Variants in MRC2 observed in about 807,000 individuals in gnomAD.
MRC2 encodes the protein mannose receptor C-type 2.
A neutral mutation model predicts 206.2 loss-of-function variants in MRC2; 84 were observed. The ratio of observed to expected loss-of-function variants is 0.41; its 90% CI spans 0.34 to 0.49. MRC2 has a LOEUF of 0.49. MRC2 is among the 20% of genes least tolerant of loss of function. The probability of loss-of-function intolerance (pLI) is 0.31; values close to 1 mark genes in which losing one functional copy is unlikely to be tolerated. For missense variants in MRC2, 1,676 were observed against 2,001.5 expected, an observed-to-expected ratio of 0.84 and a Z score of 3.10; for synonymous variants, 798 against 800.0, an observed-to-expected ratio of 1.00 and a Z score of 0.04.
chr17:62,688,413 G>A lies in MRC2; in HGVS notation c.3061+10G>A, dbSNP rs1459716424. ...AACCCCTTAGAGCAAGGTAGGGCCA[G>A]CCTATGGGGAGCCCCCAGTATCCTC... is the stretch of plus-strand genomic sequence containing the variant. On this transcript the variant is annotated intron_variant, in intron 21 of 29. Coordinates refer to ENST00000303375, the MANE Select transcript of MRC2 (RefSeq NM_006039.5). 1.2e-6 allele frequency: 2 copies of A among 1,614,036 alleles called. No homozygotes were observed. Among genetic ancestry groups the A allele is most frequent in the African/African-American group, 1.3e-5 (1 of 74,942 alleles).
rs2088920389 is a variant in MRC2 at position 62,678,425 on chromosome 17, A to T, written c.2053-79A>T. 3.9e-6 allele frequency: 6 copies of T among 1,549,818 alleles called. No individual in the cohort carries two copies. In the Admixed American group the frequency reaches 1.3e-4, roughly 33 times the overall value. The stretch of plus-strand genomic sequence containing the variant: ...TAAGGCTCCAGGCCCCTCCTCTGCC[A>T]TGGTGGGAAAGGCAGTAGGTGCCCC... On this transcript the variant is annotated intron_variant, in intron 12 of 29. Transcript: ENST00000303375.
rs755127509 is a variant in MRC2 at position 62,680,133 on chromosome 17, G to A, written c.2299-37G>A. ...GGCATGGGGGCGGCCTGCACCTTGC[G>A]CCTCACGTTCCTCTTCCCTCCACCC... On this transcript the variant is annotated intron_variant, in intron 14 of 29. Coordinates refer to ENST00000303375, the MANE Select transcript of MRC2 (RefSeq NM_006039.5). The surrounding 1 kb of genome is among the most constrained non-coding windows in gnomAD (Gnocchi z 4.8). 6.2e-7 allele frequency: 1 copy of A among 1,613,186 alleles called. No individual in the cohort carries two copies. Among genetic ancestry groups the A allele is most frequent in the Non-Finnish European group, 8.5e-7 (1 of 1,179,558 alleles).
chr17:62,641,895 CTGTGTGTGTG>C (rs4058579), intron 1 of MRC2, among the ~76,000 whole-genome samples: 1 of 149,952 alleles, frequency 6.7e-6, no homozygotes, highest in Admixed American at 6.7e-5. Flanking sequence ...ATCTCACTCT[CTGTGTGTGTG>C]TGTGTGTGTG....
chr17:62,677,196 C>T, intron 11 of MRC2, 73 bp from the exon 12 acceptor site: 1 of 1,307,644 alleles, frequency 7.6e-7, no homozygotes, highest in South Asian at 1.4e-5. Context: ...GTGCTAGTGC[C>T]CTGCCGGGAT....
chr17:62,689,018 C>T, intron 23 of MRC2, 58 bp downstream of exon 23: 1 of 1,369,158 alleles, frequency 7.3e-7, no homozygotes, highest in South Asian at 1.2e-5. Flanking sequence ...GGGCTGGATG[C>T]TGGGACCATG....
chr17:62,691,374 C>G (rs1228718160), intron 28 of MRC2, among the ~76,000 whole-genome samples: 2 of 152,236 alleles, frequency 1.3e-5, no homozygotes, highest in Non-Finnish European at 1.5e-5. Flanking sequence ...TTGTAGTGGT[C>G]AAGGGCATGG....
intron 1 of MRC2, among the ~76,000 whole-genome samples, chr17:62,650,070 T>G (rs986117675): frequency 1.3e-5 from 2 of 152,114 alleles, no homozygotes; most frequent in African/African-American, 2.4e-5. Context: ...AAGTTTTGTA[T>G]TTTTAGTAGA....
At position 62,690,210 on chromosome 17, in the gene MRC2, C is replaced by T; in HGVS notation, c.3797C>T (p.Ala1266Val). Residue 1266 changes from alanine to valine, a missense_variant, in exon 26 of 30, where the codon GCA becomes GTA. Coordinates refer to ENST00000303375, the MANE Select transcript of MRC2 (RefSeq NM_006039.5). ...SYHGSCPQGL[A>V]DSAWIPFREH... ...CATGGCAGCTGTCCCCAGGGACTGG[C>T]AGACTCCGCGTGGATTCCCTTCCGG... The T allele has an allele frequency of 2.5e-6, 4 of 1,612,730 alleles. No individual in the cohort carries two copies. The highest frequency in any genetic ancestry group is 3.4e-6 in the Non-Finnish European group (4 of 1,179,136).
At chr17:62,635,342 G>A (rs917839654) in intron 1 of MRC2, among the ~76,000 whole-genome samples, 2 of 151,690 alleles carry the variant, frequency 1.3e-5, no homozygotes, top group Non-Finnish European at 2.9e-5. Flanking sequence ...ACCCTCAATG[G>A]TCCTACCCCC....
rs2088884766 is a variant in MRC2, at chr17:62,675,842, C to G, written c.1622C>G (p.Thr541Ser). ...SCYWLGEDQV[T>S]YSEARRLCTD... ...TACTGGCTGGGAGAAGACCAAGTGA[C>G]CTACAGTGAGGCCCGGCGCCTGTGC... The change falls in exon 10 of 30, where the codon ACC (threonine) becomes AGC (serine). Residue 541 changes from threonine to serine, a missense_variant. Thr to Ser is a moderately conservative substitution (Grantham distance 58). This residue lies in a region of MRC2 where 1,354 missense variants were observed against 1,636.6 expected (regional missense o/e 0.83). Coordinates refer to ENST00000303375, the MANE Select transcript of MRC2 (RefSeq NM_006039.5). The surrounding 1 kb of genome is among the most constrained non-coding windows in gnomAD (Gnocchi z 4.1). The G allele has an allele frequency of 1.9e-6, 3 of 1,614,024 alleles. No individual in the cohort carries two copies. The highest frequency in any genetic ancestry group is 2.5e-6 in the Non-Finnish European group (3 of 1,180,022).
chr17:62,636,221 A>T (rs2088315966), intron 1 of MRC2, among the ~76,000 whole-genome samples: 2 of 149,936 alleles, frequency 1.3e-5, no homozygotes, highest in Non-Finnish European at 1.5e-5. Flanking sequence ...ACCACTGCAC[A>T]ACCTGGGCAA....
At position 62,688,964 on chromosome 17, in the gene MRC2, T is replaced by C; in HGVS notation, c.3334+4T>C. 6.2e-7 allele frequency: 1 copy of C among 1,612,116 alleles called. No individual in the cohort carries two copies. Among genetic ancestry groups the C allele is most frequent in the Non-Finnish European group, 8.5e-7 (1 of 1,178,986 alleles). On this transcript the variant is annotated splice_donor_region_variant and intron_variant, in intron 23 of 29. Coordinates refer to ENST00000303375, the MANE Select transcript of MRC2 (RefSeq NM_006039.5). ...TTCATCTGCCAGAAGGGCACGGGTA[T>C]GTGTCACCAGTCACCTGGGAAACCC...
At chr17:62,665,783 A>T (rs955099280) in intron 2 of MRC2, among the ~76,000 whole-genome samples, 3 of 152,132 alleles carry the variant, frequency 2.0e-5, no homozygotes, top group Non-Finnish European at 4.4e-5. Context: ...CAGAGATTCC[A>T]CCGGGCTCAG....
Position 62,672,458 on chromosome 17 carries a change from C to T in MRC2, c.1461+306C>T, listed in dbSNP as rs2088838110. ...GCACAGTGCCTGGCGCATTCTTGGT[C>T]TCCTCCCAGCTGCCCTTCCCTGCCA... On this transcript the variant is annotated intron_variant, in intron 8 of 29. Transcript: ENST00000303375. The surrounding 1 kb of genome is among the most constrained non-coding windows in gnomAD (Gnocchi z 4.5). 6.6e-6 allele frequency among the ~76,000 whole-genome samples: 1 copy of T among 152,130 alleles called. No homozygotes were observed. The highest frequency in any genetic ancestry group is 2.1e-4 in the South Asian group (1 of 4,822).
At chr17:62,638,909 A>G (rs1012051992) in intron 1 of MRC2, among the ~76,000 whole-genome samples, 2 of 152,010 alleles carry the variant, frequency 1.3e-5, no homozygotes, top group Non-Finnish European at 2.9e-5. Context: ...ACAAAGCGAG[A>G]CTCTGTCTCA....
Position 62,667,342 on chromosome 17 carries a change from G to T in MRC2, c.974-48G>T. On this transcript the variant is annotated intron_variant, in intron 5 of 29. Transcript: ENST00000303375. The surrounding 1 kb of genome is among the most constrained non-coding windows in gnomAD (Gnocchi z 4.1). ...TCTGAGCAGGGCCCCGGGAGCCACG[G>T]TGTGAGCTTCTCTCTCCGGGGGTGC... 1 of 1,542,548 alleles carries T rather than the reference G, an allele frequency of 6.5e-7. No individual in the cohort carries two copies. Among genetic ancestry groups the T allele is most frequent in the Non-Finnish European group, 8.7e-7 (1 of 1,146,024 alleles).
chr17:62,634,853 C>T (rs1230940009), intron 1 of MRC2, among the ~76,000 whole-genome samples: 2 of 145,150 alleles, frequency 1.4e-5, no homozygotes, highest in Admixed American at 6.9e-5. Context: ...TTTTTTAGGA[C>T]GGAGTCTCCC....
chr17:62,637,188 CG>C (rs1471961380), intron 1 of MRC2, among the ~76,000 whole-genome samples: 7 of 151,878 alleles, frequency 4.6e-5, no homozygotes, highest in Non-Finnish European at 8.8e-5. Flanking sequence ...GTAAAACCCC[CG>C]TCTCTACTAA....
chr17:62,680,635 C>G lies in MRC2; in HGVS notation c.2474-165C>G. Reference sequence around the variant, plus strand: ...GTTTGCTTCCGTGTGGGAGGCGAGGCAAGCCTGGGGCCTGGGGCCTGGCAC... The same window carrying G: ...GTTTGCTTCCGTGTGGGAGGCGAGGGAAGCCTGGGGCCTGGGGCCTGGCAC... On this transcript the variant is annotated intron_variant, in intron 16 of 29. Coordinates refer to ENST00000303375, the MANE Select transcript of MRC2 (RefSeq NM_006039.5). This position sits in a 1 kb window ranked among gnomAD's most constrained non-coding sequence, Gnocchi z 4.8. 2 of 1,261,220 alleles carry G rather than the reference C, an allele frequency of 1.6e-6. No homozygotes were observed. The highest frequency in any genetic ancestry group is 2.1e-6 in the Non-Finnish European group (2 of 935,234). 78.1% of individuals were successfully genotyped at this position (1,261,220 alleles called of 1,614,324 possible).
Sources: gnomAD v4.1 joint callset for allele counts (sites outside exome capture counted in the v4.1 genomes callset) on GRCh38, gnomAD v4.1.1 for gene constraint, gnomAD v4.1.1 regional missense constraint, Gnocchi (gnomAD v3.1) non-coding constraint, MANE v1.5 for transcripts, NCBI Gene and HGNC (gene_info 2026-07-23, HGNC 2026-07-21) for gene names.